Variants in PCDH9 observed in about 807,000 individuals in gnomAD.
PCDH9 encodes protocadherin-9.
A neutral mutation model predicts 70.6 loss-of-function variants in PCDH9; 24 were observed. The observed-to-expected ratio is 0.34, with a 90% confidence interval of 0.25 to 0.48. The LOEUF (loss-of-function observed/expected upper bound fraction) is 0.48. Among genes scored for constraint, PCDH9 ranks in the 20% least tolerant of loss-of-function variants. The pLI is 0.99. For synonymous variants in PCDH9, 562 were observed against 558.5 expected (o/e 1.01, Z -0.09); for missense variants, 1,281 against 1,503.6 (o/e 0.85, Z 2.45).
intron 3 of PCDH9, among the ~76,000 whole-genome samples, chr13:66,736,530 C>T (rs963878905): frequency 3.3e-5 from 5 of 152,150 alleles, no homozygotes; most frequent in African/African-American, 9.7e-5. Context: ...TTTAAGCCAC[C>T]CAGTCTTCTT....
chr13:67,005,113 C>T (rs1163567195), intron 2 of PCDH9, among the ~76,000 whole-genome samples: 1 of 115,934 alleles, frequency 8.6e-6, no homozygotes, highest in African/African-American at 2.6e-5. Context: ...TAAAAACTAT[C>T]AGTAGAGGAG....
chr13:67,226,575 G>T lies in PCDH9; in HGVS notation c.1866C>A (p.Pro622=), dbSNP rs780421580. ...LNDNDNFVLD[P]YSGVIKSNVS... Reference sequence around the variant, plus strand: ...CATTTGACTTTATGACTCCAGAATAGGGATCCAACACAAAATTATCATTGT... The same window carrying T: ...CATTTGACTTTATGACTCCAGAATATGGATCCAACACAAAATTATCATTGT... The change falls in exon 2 of 5, where the codon CCC becomes CCA. Residue 622 remains proline (P), a synonymous_variant. Transcript: ENST00000377865. This position sits in a 1 kb window ranked among gnomAD's most constrained non-coding sequence, Gnocchi z 5.0. 6.2e-7 allele frequency: 1 copy of T among 1,613,682 alleles called. No homozygotes were observed. Among genetic ancestry groups the T allele is most frequent in the Non-Finnish European group, 8.5e-7 (1 of 1,179,612 alleles).
At chr13:66,966,127 G>T (rs1337769591) in intron 2 of PCDH9, among the ~76,000 whole-genome samples, 2 of 152,090 alleles carry the variant, frequency 1.3e-5, no homozygotes, top group East Asian at 3.9e-4. Context: ...GAGATTAGGG[G>T]TTTTAAGCCA....
chr13:67,074,414 G>A (rs983275846), intron 2 of PCDH9, among the ~76,000 whole-genome samples: 1 of 152,086 alleles, frequency 6.6e-6, no homozygotes, highest in Non-Finnish European at 1.5e-5. Flanking sequence ...CTCAAGAACT[G>A]TGATAAATAA....
chr13:67,198,394 G>A (rs950076043), intron 2 of PCDH9, among the ~76,000 whole-genome samples: 18 of 151,684 alleles, frequency 1.2e-4, no homozygotes, highest in African/African-American at 3.6e-4. Flanking sequence ...TTTATTGAGC[G>A]CCTACTGTGT....
Position 66,940,138 on chromosome 13 carries a change from C to T in PCDH9, c.3037-36533G>A, listed in dbSNP as rs183922927. On this transcript the variant is annotated intron_variant, in intron 2 of 4. Transcript: ENST00000377865. ...CTTTAGTCTGTGTGAAACTTAAATG[C>T]TTCGTATAGAAGCTTTAATTCTAAT... Among the ~76,000 whole-genome samples the T allele has an allele frequency of 4.6e-5, 7 of 152,156 alleles. No homozygotes were observed. In the East Asian group the frequency reaches 9.7e-4, roughly 21 times the overall value.
intron 4 of PCDH9, among the ~76,000 whole-genome samples, chr13:66,332,395 A>G (rs1055556491): frequency 5.3e-5 from 8 of 152,028 alleles, no homozygotes; most frequent in Non-Finnish European, 1.2e-4. Flanking sequence ...AAGCCCTTTC[A>G]TTAATACAAT....
intron 4 of PCDH9, among the ~76,000 whole-genome samples, chr13:66,545,157 T>G (rs1336011943): frequency 6.6e-6 from 1 of 152,208 alleles, no homozygotes; most frequent in Non-Finnish European, 1.5e-5. Context: ...TTTATTTGAT[T>G]TGCATGTTAA....
At chr13:66,848,702 G>A (rs1031490496) in intron 3 of PCDH9, among the ~76,000 whole-genome samples, 3 of 152,156 alleles carry the variant, frequency 2.0e-5, no homozygotes, top group Non-Finnish European at 2.9e-5. Context: ...GCTGAGGCGG[G>A]CGGATCACGA....
chr13:66,334,249 C>T (rs1251653008), intron 4 of PCDH9, among the ~76,000 whole-genome samples: 1 of 152,018 alleles, frequency 6.6e-6, no homozygotes, highest in Non-Finnish European at 1.5e-5. Context: ...CTTTATGATA[C>T]CAACCTTTTA....
At chr13:66,754,119 A>C (rs986360532) in intron 3 of PCDH9, among the ~76,000 whole-genome samples, 1 of 152,034 alleles carries the variant, frequency 6.6e-6, no homozygotes, top group African/African-American at 2.4e-5. Flanking sequence ...GGTGTGTATC[A>C]GGAACAGAAA....
chr13:67,176,604 T>G (rs1383753980), intron 2 of PCDH9, among the ~76,000 whole-genome samples: 2 of 152,092 alleles, frequency 1.3e-5, no homozygotes, highest in African/African-American at 4.8e-5. Context: ...AGAGCTTCAC[T>G]TTTCCTGTAG....
chr13:66,449,167 G>A (rs1958155971), intron 4 of PCDH9, among the ~76,000 whole-genome samples: 1 of 152,090 alleles, frequency 6.6e-6, no homozygotes, highest in African/African-American at 2.4e-5. Flanking sequence ...ATATCTGAAG[G>A]TGCTTTTATA....
At chr13:67,197,933 A>G (rs2089113849) in intron 2 of PCDH9, among the ~76,000 whole-genome samples, 1 of 151,800 alleles carries the variant, frequency 6.6e-6, no homozygotes, top group Non-Finnish European at 1.5e-5. Context: ...TGAACTAATA[A>G]TGCAAAGAAA....
chr13:66,367,919 C>G (rs1956580497), intron 4 of PCDH9, among the ~76,000 whole-genome samples: 1 of 152,108 alleles, frequency 6.6e-6, no homozygotes, highest in African/African-American at 2.4e-5. Flanking sequence ...AATTAAACCT[C>G]TTTGTAAGCA....
chr13:66,699,553 A>T (rs975004295), intron 3 of PCDH9, among the ~76,000 whole-genome samples: 1 of 152,168 alleles, frequency 6.6e-6, no homozygotes, highest in African/African-American at 2.4e-5. Context: ...GTGCAGATGG[A>T]GGCAGAGATT....
intron 4 of PCDH9, among the ~76,000 whole-genome samples, chr13:66,623,641 T>C (rs907078377): frequency 6.6e-6 from 1 of 152,202 alleles, no homozygotes; most frequent in African/African-American, 2.4e-5. Context: ...GGTCTTGTTA[T>C]GTTGCTCAGC....
At chr13:66,784,433 C>A (rs1476638138) in intron 3 of PCDH9, among the ~76,000 whole-genome samples, 1 of 152,134 alleles carries the variant, frequency 6.6e-6, no homozygotes, top group Non-Finnish European at 1.5e-5. Context: ...AAGCCATGTT[C>A]CAAGACATTG....
intron 2 of PCDH9, chr13:67,221,175 A>C (rs1459627522): frequency 6.6e-6 from 1 of 152,104 alleles, no homozygotes; most frequent in East Asian, 1.9e-4. Context: ...TAATAATTGA[A>C]AATATCTTAA....
Sources: gnomAD v4.1 joint callset for allele counts (sites outside exome capture counted in the v4.1 genomes callset) on GRCh38, gnomAD v4.1.1 for gene constraint, Gnocchi (gnomAD v3.1) non-coding constraint, MANE v1.5 for transcripts, NCBI Gene and HGNC (gene_info 2026-07-23, HGNC 2026-07-21) for gene names.